USP6NL: variants seen among roughly 807,000 people sequenced by gnomAD.
The protein encoded by USP6NL is USP6 N-terminal-like protein.
In USP6NL, 26 loss-of-function variants were observed where a neutral mutation model predicts 61.9. The ratio of observed to expected loss-of-function variants is 0.42; its 90% CI spans 0.31 to 0.58. The LOEUF (loss-of-function observed/expected upper bound fraction) is 0.58, where lower values mean the gene tolerates loss of function less well. USP6NL is among the 20% of genes least tolerant of loss of function. The pLI is 0.16. For synonymous variants in USP6NL, 432 were observed against 390.1 expected (o/e 1.11, Z -1.27); for missense variants, 1,114 against 1,034.3 (o/e 1.08, Z -1.06).
rs1224002025 is a variant in USP6NL at position 11,485,427 on chromosome 10, GCTTT to G, written c.760-197_760-194del. On this transcript the variant is annotated intron_variant, in intron 11 of 14. Transcript: ENST00000609104. This position sits in a 1 kb window ranked among gnomAD's most constrained non-coding sequence, Gnocchi z 4.8. Reference sequence around the variant, plus strand: ...TTCTCTTTAATATATTTTACAGTGAGCTTTCTTTGTTTTACTAAACTACTGTGTT... The same window carrying G: ...TTCTCTTTAATATATTTTACAGTGAGCTTTGTTTTACTAAACTACTGTGTT... 1.3e-5 allele frequency among the ~76,000 whole-genome samples: 2 copies of G among 152,172 alleles called. No individual in the cohort carries two copies. The highest frequency in any genetic ancestry group is 6.5e-5 in the Admixed American group (1 of 15,278).
intron 2 of USP6NL, among the ~76,000 whole-genome samples, chr10:11,576,412 C>G (rs1043360689): frequency 3.6e-5 from 5 of 139,518 alleles, no homozygotes; most frequent in African/African-American, 1.2e-4. Context: ...AACCTAACCC[C>G]CAAGGTGATG....
chr10:11,482,026 C>T lies in USP6NL; in HGVS notation c.926-104G>A, dbSNP rs1833220183. 11 of 1,198,336 alleles carry T rather than the reference C, an allele frequency of 9.2e-6. No individual in the cohort carries two copies. The highest frequency in any genetic ancestry group is 5.9e-5 in the Admixed American group (2 of 33,626). 74.2% of individuals were successfully genotyped at this position (1,198,336 alleles called of 1,614,324 possible). A position where few individuals can be genotyped will look rare whatever the true frequency, so the allele number is the denominator to read the frequency against. On this transcript the variant is annotated intron_variant, in intron 13 of 14. Transcript: ENST00000609104. The surrounding 1 kb of genome is among the most constrained non-coding windows in gnomAD (Gnocchi z 4.0). ...TAGTGTAAAAGGGCATTAAAAAGGG[C>T]GCAAGCAGCATACAACTTACATATG...
rs539903844 is a variant in USP6NL, at chr10:11,574,412, C to A, written c.4+23219G>T. On this transcript the variant is annotated intron_variant, in intron 2 of 14. Coordinates refer to ENST00000609104, the MANE Select transcript of USP6NL (RefSeq NM_014688.5). This position sits in a 1 kb window ranked among gnomAD's most constrained non-coding sequence, Gnocchi z 4.3. Reference sequence around the variant, plus strand: ...TAAATTCAATGGTCTCAACATCCAGCGGCATGGACCAGATAATTTCAAAAC... The same window carrying A: ...TAAATTCAATGGTCTCAACATCCAGAGGCATGGACCAGATAATTTCAAAAC... Among the ~76,000 whole-genome samples, 1 of 152,172 alleles carries A rather than the reference C, an allele frequency of 6.6e-6. No individual in the cohort carries two copies. The highest frequency in any genetic ancestry group is 1.5e-5 in the Non-Finnish European group (1 of 68,036).
rs1260299085 is a variant in USP6NL, at chr10:11,474,889, C to T, written c.1078+6881G>A. Among the ~76,000 whole-genome samples the T allele has an allele frequency of 2.0e-5, 3 of 152,086 alleles. No homozygotes were observed. Among genetic ancestry groups the T allele is most frequent in the Non-Finnish European group, 4.4e-5 (3 of 68,018 alleles). On this transcript the variant is annotated intron_variant, in intron 14 of 14. Transcript: ENST00000609104. The surrounding 1 kb of genome is among the most constrained non-coding windows in gnomAD (Gnocchi z 4.9). ...GGATGTGAAGTGTGGAAGCTGCGGACAGAAAAGTGCTATACCTTACACTAA... is the reference window on the plus strand; with the variant it reads ...GGATGTGAAGTGTGGAAGCTGCGGATAGAAAAGTGCTATACCTTACACTAA...
chr10:11,557,993 T>C (rs773249873), intron 2 of USP6NL, among the ~76,000 whole-genome samples: 23 of 152,328 alleles, frequency 1.5e-4, no homozygotes, highest in Non-Finnish European at 2.6e-4. Context: ...GAATGAAGTA[T>C]ACAGTATGAC....
chr10:11,462,746 C>G lies in USP6NL; in HGVS notation c.2182G>C (p.Asp728His). 6.2e-7 allele frequency: 1 copy of G among 1,613,974 alleles called. No individual in the cohort carries two copies. Among genetic ancestry groups the G allele is most frequent in the African/African-American group, 1.3e-5 (1 of 75,024 alleles). ...KNGKLIIPPV[D>H]YLPDNRTWSE... ...CATGTTCTGTTATCTGGCAAGTAAT[C>G]CACTGGTGGAATGATCAATTTTCCA... is the stretch of plus-strand genomic sequence containing the variant. The change falls in exon 15 of 15, where the codon GAT (aspartate) becomes CAT (histidine). Residue 728 changes from aspartate to histidine, a missense_variant. Transcript: ENST00000609104.
In USP6NL at chr10:11,487,816, C is replaced by CCA. The variant is rs1319651754; in HGVS notation, c.664+1284_664+1285dup. Among the ~76,000 whole-genome samples, 5 of 152,044 alleles carry CCA rather than the reference C, an allele frequency of 3.3e-5. No individual in the cohort carries two copies. Among genetic ancestry groups the CCA allele is most frequent in the Admixed American group, 2.0e-4 (3 of 15,274 alleles). Reference sequence around the variant, plus strand: ...ACACATACATACCCCCCTCACTCTTCCACACACACACAATATCCTCACATG... The same window carrying CCA: ...ACACATACATACCCCCCTCACTCTTCCACACACACACACAATATCCTCACATG... On this transcript the variant is annotated intron_variant, in intron 10 of 14. Transcript: ENST00000609104. This position sits in a 1 kb window ranked among gnomAD's most constrained non-coding sequence, Gnocchi z 4.2.
At chr10:11,479,830 C>T (rs1833125926) in intron 14 of USP6NL, among the ~76,000 whole-genome samples, 1 of 152,088 alleles carries the variant, frequency 6.6e-6, no homozygotes, top group Non-Finnish European at 1.5e-5. Flanking sequence ...CCTCCTCGGC[C>T]TCCTGAAGTG....
chr10:11,532,336 C>T lies in USP6NL; in HGVS notation c.5-4769G>A. The T allele has an allele frequency of 1.1e-6, 1 of 918,518 alleles. No homozygotes were observed. Among genetic ancestry groups the T allele is most frequent in the Admixed American group, 3.3e-5 (1 of 30,752 alleles). 56.9% of individuals were successfully genotyped at this position (918,518 alleles called of 1,614,324 possible). A position where few individuals can be genotyped will look rare whatever the true frequency, so the allele number is the denominator to read the frequency against. ...TCACACATTCTGCAACTAACTAAAA[C>T]AAAGAAAGGCAGAGGCAGCTCTACT... On this transcript the variant is annotated intron_variant, in intron 2 of 14. Transcript: ENST00000609104. This position sits in a 1 kb window ranked among gnomAD's most constrained non-coding sequence, Gnocchi z 4.1.
rs1285331214 is a variant in USP6NL at position 11,487,872 on chromosome 10, C to T, written c.664+1230G>A. On this transcript the variant is annotated intron_variant, in intron 10 of 14. Coordinates refer to ENST00000609104, the MANE Select transcript of USP6NL (RefSeq NM_014688.5). The surrounding 1 kb of genome is among the most constrained non-coding windows in gnomAD (Gnocchi z 4.2). ...AGTGTGAGACTTCACAAACAATGGGCTATAGAAAGTCATAATTTTGAAAAT... is the reference window on the plus strand; with the variant it reads ...AGTGTGAGACTTCACAAACAATGGGTTATAGAAAGTCATAATTTTGAAAAT... 6.6e-6 allele frequency among the ~76,000 whole-genome samples: 1 copy of T among 152,086 alleles called. No homozygotes were observed. The highest frequency in any genetic ancestry group is 1.5e-5 in the Non-Finnish European group (1 of 68,034).
chr10:11,502,544 T>C (rs1030024241), intron 6 of USP6NL, among the ~76,000 whole-genome samples: 6 of 152,214 alleles, frequency 3.9e-5, no homozygotes, highest in Admixed American at 3.9e-4. Flanking sequence ...ATCATCGTAA[T>C]ATACTTGAAT....
intron 2 of USP6NL, among the ~76,000 whole-genome samples, chr10:11,531,916 C>T (rs1264822814): frequency 2.6e-5 from 4 of 152,122 alleles, no homozygotes; most frequent in African/African-American, 9.7e-5. Context: ...GACAACTATA[C>T]AATTCTAAGA....
In USP6NL at chr10:11,496,226, G is replaced by A. The variant is rs1405068789; in HGVS notation, c.385-2998C>T. Among the ~76,000 whole-genome samples, 1 of 152,224 alleles carries A rather than the reference G, an allele frequency of 6.6e-6. No individual in the cohort carries two copies. The highest frequency in any genetic ancestry group is 1.5e-5 in the Non-Finnish European group (1 of 68,030). Reference sequence around the variant, plus strand: ...CCAGTCTTGGGCTAGCACTGAGGGAGCTAAGGAGCTCTAACTGCTTCTGAA... The same window carrying A: ...CCAGTCTTGGGCTAGCACTGAGGGAACTAAGGAGCTCTAACTGCTTCTGAA... On this transcript the variant is annotated intron_variant, in intron 7 of 14. Transcript: ENST00000609104. The surrounding 1 kb of genome is among the most constrained non-coding windows in gnomAD (Gnocchi z 5.4).
chr10:11,580,671 C>A (rs1028682547), intron 2 of USP6NL, among the ~76,000 whole-genome samples: 1 of 152,172 alleles, frequency 6.6e-6, no homozygotes, highest in African/African-American at 2.4e-5. Flanking sequence ...GCAGCCTGGG[C>A]ACCACAAAGT....
At chr10:11,557,562 G>C (rs1349945958) in intron 2 of USP6NL, among the ~76,000 whole-genome samples, 1 of 152,196 alleles carries the variant, frequency 6.6e-6, no homozygotes, top group East Asian at 1.9e-4. Context: ...GAGTCATGGG[G>C]CTGAAACCTG....
chr10:11,525,227 G>A lies in USP6NL; in HGVS notation c.155+159C>T, dbSNP rs2133395031. ...CTTAAACAGTTAAATTTTAATCACA[G>A]AGTTGTTAAAAGAAACCTAGGAATT... On this transcript the variant is annotated intron_variant, in intron 4 of 14. Transcript: ENST00000609104. The surrounding 1 kb of genome is among the most constrained non-coding windows in gnomAD (Gnocchi z 5.0). Among the ~76,000 whole-genome samples, 1 of 151,976 alleles carries A rather than the reference G, an allele frequency of 6.6e-6. No individual in the cohort carries two copies. Among genetic ancestry groups the A allele is most frequent in the East Asian group, 1.9e-4 (1 of 5,196 alleles).
intron 2 of USP6NL, among the ~76,000 whole-genome samples, chr10:11,542,109 G>C (rs1702581392): frequency 6.6e-6 from 1 of 152,158 alleles, no homozygotes; most frequent in Non-Finnish European, 1.5e-5. Context: ...ATGACAATCA[G>C]ATGAAGAATA....
At chr10:11,605,579 T>C (rs1838680362) in intron 1 of USP6NL, among the ~76,000 whole-genome samples, 1 of 152,194 alleles carries the variant, frequency 6.6e-6, no homozygotes, top group African/African-American at 2.4e-5. Context: ...GGGACATAGT[T>C]ACTATGCTTA....
At chr10:11,608,714 C>G (rs1050221455) in intron 1 of USP6NL, among the ~76,000 whole-genome samples, 2 of 152,178 alleles carry the variant, frequency 1.3e-5, no homozygotes, top group African/African-American at 2.4e-5. Context: ...ACACAAAGTC[C>G]TGGGGTACAC....
Sources: allele counts gnomAD v4.1 joint callset (sites outside exome capture counted in the v4.1 genomes callset), GRCh38; gene constraint gnomAD v4.1.1; non-coding constraint Gnocchi (gnomAD v3.1); transcripts MANE v1.5; gene names NCBI Gene and HGNC (gene_info 2026-07-23, HGNC 2026-07-21).